Variants in PXDC1 observed in about 807,000 individuals in gnomAD.
PXDC1 encodes PX domain-containing protein 1.
PXDC1 carries 13 observed loss-of-function variants against 24.4 expected under a neutral mutation model. That is an observed-to-expected ratio of 0.53 (90% CI 0.35 to 0.85). PXDC1 has a LOEUF of 0.85. Ranked by LOEUF, PXDC1 falls within the 40% of genes least tolerant of loss-of-function variation. The pLI, the probability that PXDC1 is intolerant of heterozygous loss-of-function variation, is 0.01. For missense variants in PXDC1, 344 were observed against 309.3 expected (o/e 1.11, Z -0.84); for synonymous variants, 162 against 124.9 (o/e 1.30, Z -1.98).
chr6:3,749,487 A>C (rs950040016), intron 1 of PXDC1, among the ~76,000 whole-genome samples: 1 of 146,858 alleles, frequency 6.8e-6, no homozygotes, highest in Non-Finnish European at 1.5e-5. Context: ...TGACCGCGTA[A>C]CAGACCCAGC....
chr6:3,735,617 C>CGGT (rs1218596198), intron 3 of PXDC1, among the ~76,000 whole-genome samples: 1 of 152,100 alleles, frequency 6.6e-6, no homozygotes, highest in East Asian at 1.9e-4. Flanking sequence ...GAGGGGCCAG[C>CGGT]GGTGGACAGG....
intron 3 of PXDC1, among the ~76,000 whole-genome samples, chr6:3,732,171 T>C (rs1178493849): frequency 2.0e-5 from 3 of 152,256 alleles, no homozygotes; most frequent in African/African-American, 7.2e-5. Context: ...TATGTTTTCA[T>C]AGCCCCACAA....
rs1760012117 is a variant in PXDC1 at position 3,724,490 on chromosome 6, CGT to C, written c.579-756_579-755del. On this transcript the variant is annotated intron_variant, in intron 4 of 4. Transcript: ENST00000380283. The surrounding 1 kb of genome is among the most constrained non-coding windows in gnomAD (Gnocchi z 4.5). ...AAGAGACTCCAGGTCTTTAAAAATGCGTAACAGAGAAAAGCACAAGAAGGACA... is the reference window on the plus strand; with the variant it reads ...AAGAGACTCCAGGTCTTTAAAAATGCAACAGAGAAAAGCACAAGAAGGACA... Among the ~76,000 whole-genome samples, 1 of 152,160 alleles carries C rather than the reference CGT, an allele frequency of 6.6e-6. No individual in the cohort carries two copies. Among genetic ancestry groups the C allele is most frequent in the Admixed American group, 6.5e-5 (1 of 15,282 alleles).
chr6:3,747,159 G>A (rs776365458), intron 1 of PXDC1, among the ~76,000 whole-genome samples: 37 of 151,248 alleles, frequency 2.4e-4, no homozygotes, highest in Non-Finnish European at 3.7e-4. Flanking sequence ...TCCTCCTGCC[G>A]ACTCCCCCAT....
In PXDC1 at chr6:3,725,182, C is replaced by A. The variant is rs755856424; in HGVS notation, c.579-1446G>T. Among the ~76,000 whole-genome samples, 3 of 152,100 alleles carry A rather than the reference C, an allele frequency of 2.0e-5. No individual in the cohort carries two copies. The highest frequency in any genetic ancestry group is 7.2e-5 in the African/African-American group (3 of 41,412). On this transcript the variant is annotated intron_variant, in intron 4 of 4. Coordinates refer to ENST00000380283, the MANE Select transcript of PXDC1 (RefSeq NM_183373.4). The surrounding 1 kb of genome is among the most constrained non-coding windows in gnomAD (Gnocchi z 4.8). ...GGCGTGCCGAAAGGTTCAAGCCAGT[C>A]GAGGGACAGAGCCACAGCGCCACCT... is the stretch of plus-strand genomic sequence containing the variant.
chr6:3,733,481 T>A (rs1019968301), intron 3 of PXDC1, among the ~76,000 whole-genome samples: 7 of 152,040 alleles, frequency 4.6e-5, no homozygotes, highest in Admixed American at 2.0e-4. Context: ...CTGCTCTAGA[T>A]TAAGAAGCTC....
chr6:3,739,328 G>T (rs1388599619), intron 1 of PXDC1, among the ~76,000 whole-genome samples: 1 of 152,204 alleles, frequency 6.6e-6, no homozygotes, highest in Non-Finnish European at 1.5e-5. Context: ...GGGTCAGTGG[G>T]GATCAGTGGA....
rs1284198346 is a variant in PXDC1, at chr6:3,726,457, C to T, written c.578+1094G>A. On this transcript the variant is annotated intron_variant, in intron 4 of 4. Transcript: ENST00000380283. Reference sequence around the variant, plus strand: ...CCACCAGCAGCTCATGACCCCTCTACTGGGAAGGATTCTCGCACCATCTAC... The same window carrying T: ...CCACCAGCAGCTCATGACCCCTCTATTGGGAAGGATTCTCGCACCATCTAC... 2.6e-5 allele frequency among the ~76,000 whole-genome samples: 4 copies of T among 152,260 alleles called. No homozygotes were observed. In the East Asian group the frequency reaches 5.8e-4, roughly 22 times the overall value.
intron 3 of PXDC1, among the ~76,000 whole-genome samples, chr6:3,735,991 T>C (rs77061745): frequency 0.015 from 2,301 of 152,140 alleles, 82 homozygotes; most frequent in African/African-American, 0.053. Flanking sequence ...CCTATTAATA[T>C]CTACAAACCC....
At position 3,723,428 on chromosome 6, in the gene PXDC1, G is replaced by A. The variant is rs993651440; in HGVS notation, c.*191C>T. 7.8e-5 allele frequency: 48 copies of A among 614,228 alleles called. No individual in the cohort carries two copies. Among genetic ancestry groups the A allele is most frequent in the Admixed American group, 6.2e-4 (22 of 35,624 alleles). 38.0% of individuals were successfully genotyped at this position (614,228 alleles called of 1,614,324 possible). On this transcript the variant is annotated 3_prime_UTR_variant, in exon 5 of 5. Coordinates refer to ENST00000380283, the MANE Select transcript of PXDC1 (RefSeq NM_183373.4). Reference sequence around the variant, plus strand: ...GACCTCAGCTTGCTGGAGACTCTGCGGTCAGCCTGGCCCACTAGGAGCCCC... The same window carrying A: ...GACCTCAGCTTGCTGGAGACTCTGCAGTCAGCCTGGCCCACTAGGAGCCCC...
chr6:3,751,562 C>A lies in PXDC1; in HGVS notation c.-31G>T. The A allele has an allele frequency of 6.7e-7, 1 of 1,496,000 alleles. No homozygotes were observed. The allele number at this position is 1,496,000 out of a possible 1,614,324, so 92.7% of individuals were successfully genotyped here. ...ACGCATGCCCCCGCCAAGGGCTCCC[C>A]AGCCCCGCCGCCCGCCCGCCCGCAG... On this transcript the variant is annotated 5_prime_UTR_variant, in exon 1 of 5. Coordinates refer to ENST00000380283, the MANE Select transcript of PXDC1 (RefSeq NM_183373.4).
At chr6:3,744,501 G>C (rs2127601977) in intron 1 of PXDC1, among the ~76,000 whole-genome samples, 1 of 152,324 alleles carries the variant, frequency 6.6e-6, no homozygotes, top group East Asian at 1.9e-4. Context: ...GCGGATATAA[G>C]GGTGAAAGGG....
intron 4 of PXDC1, 145 bp from the exon 5 acceptor site, chr6:3,723,881 C>T: frequency 1.5e-6 from 1 of 658,460 alleles, no homozygotes; most frequent in Non-Finnish European, 2.7e-6. Context: ...TGAGCTGGCT[C>T]CTGCTCTGAG....
chr6:3,723,677 T>C lies in PXDC1; in HGVS notation c.638A>G (p.Tyr213Cys), dbSNP rs1386383270. The C allele has an allele frequency of 2.5e-6, 4 of 1,614,050 alleles. No homozygotes were observed. Among genetic ancestry groups the C allele is most frequent in the Non-Finnish European group, 3.4e-6 (4 of 1,180,030 alleles). ...GTGGTAATATGACAGGTTGGTGACGTAGGCTGCTGGGTCGTCCCCGTCCTC... is the reference window on the plus strand; with the variant it reads ...GTGGTAATATGACAGGTTGGTGACGCAGGCTGCTGGGTCGTCCCCGTCCTC... Reference protein sequence around the residue: ...ELEDGDDPAAYVTNLSYYHLV... With the variant: ...ELEDGDDPAACVTNLSYYHLV... The change falls in exon 5 of 5, where the codon TAC becomes TGC. Residue 213 changes from tyrosine (Y) to cysteine (C), a missense_variant. Tyr to Cys is a radical substitution (Grantham distance 194). Transcript: ENST00000380283.
intron 1 of PXDC1, among the ~76,000 whole-genome samples, chr6:3,745,627 G>C (rs985214268): frequency 1.3e-5 from 2 of 151,932 alleles, no homozygotes; most frequent in African/African-American, 4.8e-5. Context: ...GGAGATCCCT[G>C]AGCCTGACCC....
rs1197087003 is a variant in PXDC1, at chr6:3,737,905, C to T, written c.348+152G>A. On this transcript the variant is annotated intron_variant, in intron 2 of 4. Transcript: ENST00000380283. The surrounding 1 kb of genome is among the most constrained non-coding windows in gnomAD (Gnocchi z 5.5). ...TTACACCTGCACACCTCCACTCCGTCCCTATCGCCTGGTACTACCAGGGAG... is the reference window on the plus strand; with the variant it reads ...TTACACCTGCACACCTCCACTCCGTTCCTATCGCCTGGTACTACCAGGGAG... 2 of 720,700 alleles carry T rather than the reference C, an allele frequency of 2.8e-6. No individual in the cohort carries two copies. The highest frequency in any genetic ancestry group is 2.3e-6 in the Non-Finnish European group (1 of 431,308). 44.6% of individuals were successfully genotyped at this position (720,700 alleles called of 1,614,324 possible). A position where few individuals can be genotyped will look rare whatever the true frequency, so the allele number is the denominator to read the frequency against.
intron 3 of PXDC1, among the ~76,000 whole-genome samples, chr6:3,729,923 G>A (rs955614009): frequency 2.0e-5 from 3 of 152,180 alleles, no homozygotes; most frequent in African/African-American, 7.2e-5. Flanking sequence ...TACTTTACAT[G>A]CCTAATCTTT....
Position 3,737,219 on chromosome 6 carries a change from C to G in PXDC1, c.349-23G>C, listed in dbSNP as rs368656948. ...ATACTGGGGAGAAATGCAGGGATTA[C>G]TAAAAACGATCAGCCTCTACACGTT... On this transcript the variant is annotated intron_variant, in intron 2 of 4. Transcript: ENST00000380283. The surrounding 1 kb of genome is among the most constrained non-coding windows in gnomAD (Gnocchi z 5.5). The G allele has an allele frequency of 6.6e-7, 1 of 1,526,378 alleles. No homozygotes were observed. The highest frequency in any genetic ancestry group is 9.1e-7 in the Non-Finnish European group (1 of 1,100,094). 94.6% of individuals were successfully genotyped at this position (1,526,378 alleles called of 1,614,324 possible).
chr6:3,725,069 C>T lies in PXDC1; in HGVS notation c.579-1333G>A, dbSNP rs1451038905. Among the ~76,000 whole-genome samples the T allele has an allele frequency of 2.0e-5, 3 of 152,108 alleles. No individual in the cohort carries two copies. Among genetic ancestry groups the T allele is most frequent in the Admixed American group, 6.5e-5 (1 of 15,276 alleles). ...GGGTGGGAAAGCTATGGGGGGCTCA[C>T]GGAGACAGAGCAGCTCTCCAACTTC... On this transcript the variant is annotated intron_variant, in intron 4 of 4. Coordinates refer to ENST00000380283, the MANE Select transcript of PXDC1 (RefSeq NM_183373.4). This position sits in a 1 kb window ranked among gnomAD's most constrained non-coding sequence, Gnocchi z 4.8.
Sources: allele counts gnomAD v4.1 joint callset (sites outside exome capture counted in the v4.1 genomes callset), GRCh38; gene constraint gnomAD v4.1.1; non-coding constraint Gnocchi (gnomAD v3.1); transcripts MANE v1.5; gene names NCBI Gene and HGNC (gene_info 2026-07-23, HGNC 2026-07-21).